Variants in RIPOR2 observed in about 807,000 individuals in gnomAD.
RIPOR2 encodes RHO family interacting cell polarization regulator 2.
A neutral mutation model predicts 114.5 loss-of-function variants in RIPOR2; 39 were observed. That is an observed-to-expected ratio of 0.34 (90% confidence interval 0.26 to 0.44). The LOEUF (loss-of-function observed/expected upper bound fraction) is 0.44, where lower values mean the gene tolerates loss of function less well. RIPOR2 is among the 20% of genes least tolerant of loss of function. The pLI, the probability that RIPOR2 is intolerant of heterozygous loss-of-function variation, is 1.00. For missense variants in RIPOR2, 1,007 were observed against 1,255.1 expected, an observed-to-expected ratio of 0.80 and a Z score of 2.99; for synonymous variants, 445 against 484.4, an observed-to-expected ratio of 0.92 and a Z score of 1.07.
chr6:25,007,588 T>C (rs73384155), intron 1 of RIPOR2, among the ~76,000 whole-genome samples: 7,310 of 152,160 alleles, frequency 0.048, 386 homozygotes, highest in African/African-American at 0.13. Context: ...AATTGTTACT[T>C]CATTTTCCTT....
intron 1 of RIPOR2, among the ~76,000 whole-genome samples, chr6:24,913,150 A>AGTGTGT (rs10598852): frequency 0.032 from 4,761 of 149,334 alleles, 238 homozygotes; most frequent in African/African-American, 0.1. Context: ...GCATGACTTG[A>AGTGTGT]GTGTGTGTGT....
chr6:24,845,470 A>C (rs4129512), intron 12 of RIPOR2, among the ~76,000 whole-genome samples: 37,503 of 152,024 alleles, frequency 0.25, 5,918 homozygotes, highest in Non-Finnish European at 0.35. Flanking sequence ...CTGTGCACAC[A>C]TCTCATGGCA....
At chr6:24,985,924 G>A (rs1202829310) in intron 1 of RIPOR2, among the ~76,000 whole-genome samples, 1 of 152,154 alleles carries the variant, frequency 6.6e-6, no homozygotes, top group Non-Finnish European at 1.5e-5. Context: ...CTGAAAACAG[G>A]GTGAAATATA....
rs1410330012 is a variant in RIPOR2, at chr6:24,835,882, TG to T, written c.2040-12del. 6.4e-7 allele frequency: 1 copy of T among 1,551,174 alleles called. No individual in the cohort carries two copies. Among genetic ancestry groups the T allele is most frequent in the Non-Finnish European group, 8.7e-7 (1 of 1,146,756 alleles). ...TGAACCGACCTGTAACTATTGAAGG[TG>T]GGCAAAACATTAGCTATTCTTTTTC... is the stretch of plus-strand genomic sequence containing the variant. On this transcript the variant is annotated splice_polypyrimidine_tract_variant and intron_variant, in intron 14 of 21. Coordinates refer to ENST00000643898, the MANE Select transcript of RIPOR2 (RefSeq NM_001286445.3).
intron 18 of RIPOR2, 128 bp downstream of exon 18, chr6:24,828,009 G>A: frequency 2.7e-6 from 2 of 751,884 alleles, no homozygotes; most frequent in Non-Finnish European, 3.9e-6. Flanking sequence ...TCACTTAAAA[G>A]GCAAATTGCA....
At chr6:24,982,240 T>C (rs545477007) in intron 1 of RIPOR2, among the ~76,000 whole-genome samples, 86 of 152,382 alleles carry the variant, frequency 5.6e-4, no homozygotes, top group Non-Finnish European at 1.0e-3. Flanking sequence ...CCAAAGGCTG[T>C]TAACAATCAT....
chr6:24,855,021 C>T (rs1331881556), intron 8 of RIPOR2, among the ~76,000 whole-genome samples: 2 of 81,182 alleles, frequency 2.5e-5, no homozygotes, highest in Non-Finnish European at 4.9e-5. Flanking sequence ...GAAACTCCGT[C>T]TCAAAAAAAA....
rs71544610 is a variant in RIPOR2 at position 25,029,411 on chromosome 6, GAA to G, written c.76+12438_76+12439del. ...CAGAGCGAGACTCCGTCTCAAAAAAGAAAAAAAAAAAAAAAAAAAAAAGAAGA... is the reference window on the plus strand; with the variant it reads ...CAGAGCGAGACTCCGTCTCAAAAAAGAAAAAAAAAAAAAAAAAAAAGAAGA... On this transcript the variant is annotated intron_variant, in intron 1 of 13. Transcript: ENST00000510784. 3.7e-3 allele frequency among the ~76,000 whole-genome samples: 333 copies of G among 90,604 alleles called. 1 individual carries two copies. Among genetic ancestry groups the G allele is most frequent in the East Asian group, 0.031 (78 of 2,522 alleles). 59.4% of individuals were successfully genotyped at this position (90,604 alleles called of 152,430 possible).
intron 19 of RIPOR2, among the ~76,000 whole-genome samples, chr6:24,820,013 CT>C (rs1314453748): frequency 3.3e-5 from 5 of 151,870 alleles, no homozygotes; most frequent in Non-Finnish European, 1.5e-5. Flanking sequence ...GTCTGAATTA[CT>C]TTTATTTTCT....
intron 21 of RIPOR2, among the ~76,000 whole-genome samples, chr6:24,808,906 C>A (rs1421128794): frequency 1.3e-5 from 2 of 151,884 alleles, no homozygotes; most frequent in East Asian, 3.9e-4. Context: ...ACTACAGGTG[C>A]ACCCCACCAC....
rs1248904485 is a variant in RIPOR2, at chr6:24,806,159, C to T, written c.*214G>A. 1.7e-5 allele frequency: 9 copies of T among 543,406 alleles called. No individual in the cohort carries two copies. Among genetic ancestry groups the T allele is most frequent in the Non-Finnish European group, 2.9e-5 (9 of 312,116 alleles). 33.7% of individuals were successfully genotyped at this position (543,406 alleles called of 1,614,324 possible). A position where few individuals can be genotyped will look rare whatever the true frequency, so the allele number is the denominator to read the frequency against. ...TAGAGACAGGGCCTTGCTATGTTGC[C>T]CAGGTTGGTCTTGAACCTCCTGGGC... On this transcript the variant is annotated 3_prime_UTR_variant, in exon 22 of 22. Transcript: ENST00000643898.
chr6:24,940,062 T>A (rs1463188261), upstream of RIPOR2, among the ~76,000 whole-genome samples: 1 of 152,200 alleles, frequency 6.6e-6, no homozygotes, highest in Admixed American at 6.5e-5. Context: ...TCAGGTATGG[T>A]GTGAAATATT....
rs144093957 is a variant in RIPOR2 at position 24,809,752 on chromosome 6, A to G, written c.3008T>C (p.Ile1003Thr). Reference sequence around the variant, plus strand: ...GAGGGTTTCTGAGGCCACATTTCTGATTTCTTCAGTATCAGATTGACACAA... The same window carrying G: ...GAGGGTTTCTGAGGCCACATTTCTGGTTTCTTCAGTATCAGATTGACACAA... Reference protein sequence around the residue: ...VTLCQSDTEEIRNVASETLLS... With the variant: ...VTLCQSDTEETRNVASETLLS... The change falls in exon 21 of 22, where the codon ATC (isoleucine) becomes ACC (threonine). Residue 1003 changes from isoleucine (I) to threonine (T), a missense_variant. Transcript: ENST00000643898. 152 of 1,551,122 alleles carry G rather than the reference A, an allele frequency of 9.8e-5. No homozygotes were observed. The East Asian group carries it at 3.6e-3, about 37-fold the overall frequency.
intron 1 of RIPOR2, chr6:25,023,346 A>C (rs997239772): frequency 2.5e-6 from 2 of 792,210 alleles, no homozygotes; most frequent in Admixed American, 3.4e-5. Flanking sequence ...ATTGGCTCAT[A>C]ATCACCCTAC....
intron 1 of RIPOR2, 114 bp downstream of exon 1, chr6:24,935,724 G>T: frequency 1.4e-6 from 1 of 737,406 alleles, no homozygotes; most frequent in Non-Finnish European, 2.3e-6. Flanking sequence ...AGGATGCTTT[G>T]TTTTTATCAT....
rs1465135921 is a variant in RIPOR2, at chr6:24,843,010, C to G, written c.1709G>C (p.Gly570Ala). 5.0e-6 allele frequency: 8 copies of G among 1,598,354 alleles called. No homozygotes were observed. The African/African-American group carries it at 1.1e-4, about 21-fold the overall frequency. ...AAAGGATCTGCAGCCTTCAGATTCTCCACCAACAGAACCCTCAGAGAGCAG... is the reference window on the plus strand; with the variant it reads ...AAAGGATCTGCAGCCTTCAGATTCTGCACCAACAGAACCCTCAGAGAGCAG... ...DRLLSEGSVG[G>A]ESEGCRSFLD... Residue 570 changes from glycine (G) to alanine (A), a missense_variant, in exon 13 of 22, where the codon GGA becomes GCA. Transcript: ENST00000643898.
At position 24,825,308 on chromosome 6, in the gene RIPOR2, A is replaced by G; in HGVS notation, c.2786T>C (p.Leu929Ser). The G allele has an allele frequency of 1.9e-6, 3 of 1,551,514 alleles. No individual in the cohort carries two copies. Among genetic ancestry groups the G allele is most frequent in the Middle Eastern group, 3.3e-4 (2 of 5,990 alleles). ...ACTAACTTCGTTGTCCTCTCTGGTT[A>G]ATAGCAGAGCCAGAGTCCTGAGTAC... ...QEVLRTLALL[L>S]TREDNEVSEA... Residue 929 changes from leucine (L) to serine (S), a missense_variant, in exon 19 of 22, where the codon TTA becomes TCA. Physicochemically the swap from Leu to Ser is moderately radical, Grantham distance 145. Coordinates refer to ENST00000643898, the MANE Select transcript of RIPOR2 (RefSeq NM_001286445.3).
rs1186302256 is a variant in RIPOR2, at chr6:24,935,914, C to T, written c.-16G>A. On this transcript the variant is annotated 5_prime_UTR_variant, in exon 1 of 22. Transcript: ENST00000643898. ...AAAACTGCATCTTGGAGAGGACAGGCGCGAGAAGCAGCAGGCAGCAGCCCC... is the reference window on the plus strand; with the variant it reads ...AAAACTGCATCTTGGAGAGGACAGGTGCGAGAAGCAGCAGGCAGCAGCCCC... 9.8e-6 allele frequency: 15 copies of T among 1,531,792 alleles called. No homozygotes were observed. The East Asian group carries it at 2.4e-4, about 25-fold the overall frequency. 94.9% of individuals were successfully genotyped at this position (1,531,792 alleles called of 1,614,324 possible).
At chr6:24,835,129 C>G (rs146614797) in intron 15 of RIPOR2, among the ~76,000 whole-genome samples, 65 of 152,312 alleles carry the variant, frequency 4.3e-4, no homozygotes, top group African/African-American at 1.5e-3. Context: ...TGTTGAAAAA[C>G]CTTAAGTGGT....
Sources: allele counts gnomAD v4.1 joint callset (sites outside exome capture counted in the v4.1 genomes callset), GRCh38; gene constraint gnomAD v4.1.1; transcripts MANE v1.5; gene names NCBI Gene and HGNC (gene_info 2026-07-23, HGNC 2026-07-21).